Variants in RFX3 observed in about 807,000 individuals in gnomAD.
RFX3 encodes transcription factor RFX3.
In RFX3, 14 loss-of-function variants were observed where a neutral mutation model predicts 98.6. The ratio of observed to expected loss-of-function variants is 0.14; its 90% CI spans 0.09 to 0.22. RFX3 has a LOEUF of 0.22. Ranked by LOEUF, RFX3 falls within the 10% of genes least tolerant of loss-of-function variation. RFX3 has a pLI of 1.00. For synonymous variants in RFX3, 383 were observed against 328.4 expected (o/e 1.17, Z -1.80); for missense variants, 639 against 926.9 (o/e 0.69, Z 4.03).
At chr9:3,370,302 T>A (rs1452674870) in intron 2 of RFX3, among the ~76,000 whole-genome samples, 1 of 151,682 alleles carries the variant, frequency 6.6e-6, no homozygotes, top group Admixed American at 6.6e-5. Flanking sequence ...CTGAACAAAA[T>A]ACTTATTCAA....
intron 1 of RFX3, among the ~76,000 whole-genome samples, chr9:3,467,107 TGTA>T (rs1449622954): frequency 4.2e-5 from 6 of 141,924 alleles, no homozygotes; most frequent in African/African-American, 1.6e-4. Context: ...TAAGTATATA[TGTA>T]TATACATACA....
chr9:3,299,160 TA>T (rs1200020299), intron 5 of RFX3, among the ~76,000 whole-genome samples: 2 of 151,692 alleles, frequency 1.3e-5, no homozygotes, highest in African/African-American at 4.8e-5. Flanking sequence ...ACAATTTTTT[TA>T]AAAAACTCCA....
intron 4 of RFX3, among the ~76,000 whole-genome samples, chr9:3,310,158 G>A (rs1829796147): frequency 6.6e-6 from 1 of 152,150 alleles, no homozygotes; most frequent in Admixed American, 6.5e-5. Flanking sequence ...ATGCCAAGAA[G>A]GTAAACCTCA....
chr9:3,308,375 G>T (rs774491227), intron 4 of RFX3, among the ~76,000 whole-genome samples: 1 of 152,174 alleles, frequency 6.6e-6, no homozygotes, highest in Admixed American at 6.6e-5. Context: ...ATTTTCAGAA[G>T]ATGAAGAGGG....
chr9:3,333,163 A>G (rs1832787639), intron 3 of RFX3, among the ~76,000 whole-genome samples: 1 of 152,236 alleles, frequency 6.6e-6, no homozygotes, highest in South Asian at 2.1e-4. Flanking sequence ...CGTAATAGCC[A>G]GTTTCATAAA....
At chr9:3,230,192 T>A (rs1818285943) in intron 15 of RFX3, among the ~76,000 whole-genome samples, 1 of 152,184 alleles carries the variant, frequency 6.6e-6, no homozygotes, top group South Asian at 2.1e-4. Context: ...CACCTTTATT[T>A]CTTAGCATTT....
At position 3,225,172 on chromosome 9, in the gene RFX3, C is replaced by T. The variant is rs373971126; in HGVS notation, c.2120G>A (p.Cys707Tyr). The change falls in exon 17 of 17, where the codon TGC becomes TAC. Residue 707 changes from cysteine to tyrosine, a missense_variant. By Grantham distance (194) the Cys-to-Tyr change is radical. This residue lies in a region of RFX3 where 129 missense variants were observed against 124.6 expected (regional missense o/e 1.04). Transcript: ENST00000617270. ...TELSQAFPVG[C>Y]MQPVLETGVQ... ...GCCAGTCTCGAGAACAGGCTGCATG[C>T]AGCCCACTGGAAATGCCTGGCTCAG... The T allele has an allele frequency of 7.4e-6, 12 of 1,613,824 alleles. No individual in the cohort carries two copies. The highest frequency in any genetic ancestry group is 9.3e-6 in the Non-Finnish European group (11 of 1,179,952).
At chr9:3,344,923 C>G (rs1282772552) in intron 3 of RFX3, 1 of 684,822 alleles carries the variant, frequency 1.5e-6, no homozygotes, top group East Asian at 2.7e-5. Context: ...CACAGTGTGT[C>G]TAAAATATGT....
intron 2 of RFX3, among the ~76,000 whole-genome samples, chr9:3,384,618 A>T (rs1250556059): frequency 1.3e-5 from 2 of 152,182 alleles, no homozygotes; most frequent in East Asian, 3.8e-4. Context: ...TATTACTATG[A>T]TCCATTGTTT....
In RFX3 at chr9:3,222,192, C is replaced by T. The variant is rs1586626309; in HGVS notation, c.*2850G>A. 1.3e-5 allele frequency: 2 copies of T among 152,150 alleles called. No homozygotes were observed. Among genetic ancestry groups the T allele is most frequent in the East Asian group, 3.8e-4 (2 of 5,202 alleles). The allele number at this position is 152,150 out of a possible 1,614,324, so 9.4% of individuals were successfully genotyped here. A position where few individuals can be genotyped will look rare whatever the true frequency, so the allele number is the denominator to read the frequency against. Reference sequence around the variant, plus strand: ...TCTGTGCATGTTTTACTGTGAACTACAAATAACTAGAAGTAGCATAAACCA... The same window carrying T: ...TCTGTGCATGTTTTACTGTGAACTATAAATAACTAGAAGTAGCATAAACCA... On this transcript the variant is annotated 3_prime_UTR_variant, in exon 17 of 17. Coordinates refer to ENST00000617270, the MANE Select transcript of RFX3 (RefSeq NM_001282116.2).
intron 3 of RFX3, among the ~76,000 whole-genome samples, chr9:3,339,224 T>A (rs561743910): frequency 6.6e-6 from 1 of 152,140 alleles, no homozygotes; most frequent in African/African-American, 2.4e-5. Flanking sequence ...AGTGCTATAA[T>A]GGTTTTTGAA....
rs1563757955 is a variant in RFX3 at position 3,223,506 on chromosome 9, A to AT, written c.*1535dup. The AT allele has an allele frequency of 6.6e-6, 1 of 152,240 alleles. No individual in the cohort carries two copies. Among genetic ancestry groups the AT allele is most frequent in the Non-Finnish European group, 1.5e-5 (1 of 68,050 alleles). The allele number at this position is 152,240 out of a possible 1,614,324, so 9.4% of individuals were successfully genotyped here. On this transcript the variant is annotated 3_prime_UTR_variant, in exon 17 of 17. Transcript: ENST00000617270. ...ACTAAATAAGAATGGTCTAAAACATATATGATTTTATGTTAACAAGTTGGT... is the reference window on the plus strand; with the variant it reads ...ACTAAATAAGAATGGTCTAAAACATATTATGATTTTATGTTAACAAGTTGGT...
chr9:3,333,406 G>C (rs559696442), intron 3 of RFX3, among the ~76,000 whole-genome samples: 2 of 151,026 alleles, frequency 1.3e-5, no homozygotes, highest in African/African-American at 4.9e-5. Context: ...TTAGTCTGGG[G>C]TGATGATAGA....
intron 2 of RFX3, among the ~76,000 whole-genome samples, chr9:3,377,843 T>A (rs1341189644): frequency 6.6e-6 from 1 of 152,168 alleles, no homozygotes; most frequent in Non-Finnish European, 1.5e-5. Context: ...CTTAAATAGG[T>A]GGATTTTATT....
chr9:3,263,534 T>C (rs1823193885), intron 12 of RFX3, among the ~76,000 whole-genome samples: 1 of 152,204 alleles, frequency 6.6e-6, no homozygotes, highest in Non-Finnish European at 1.5e-5. Flanking sequence ...TCCTACTCTT[T>C]ACATTGTATT....
chr9:3,232,022 A>T (rs1460104003), intron 15 of RFX3, among the ~76,000 whole-genome samples: 1 of 149,646 alleles, frequency 6.7e-6, no homozygotes, highest in African/African-American at 2.5e-5. Context: ...AACAGGAGCG[A>T]AACTCTGTCT....
In RFX3 at chr9:3,505,330, AT is replaced by A. The variant is rs1178857058; in HGVS notation, c.-9+20416del. On this transcript the variant is annotated intron_variant, in intron 1 of 16. Transcript: ENST00000617270. The stretch of plus-strand genomic sequence containing the variant: ...TAAATATATATTAATGTATATTTAT[AT>A]TTTATATAAATAAAATATTTTATAT... 4.7e-4 allele frequency among the ~76,000 whole-genome samples: 43 copies of A among 91,096 alleles called. 6 individuals carry two copies. The highest frequency in any genetic ancestry group is 1.6e-3 in the East Asian group (3 of 1,868). 59.8% of individuals were successfully genotyped at this position (91,096 alleles called of 152,430 possible). A position where few individuals can be genotyped will look rare whatever the true frequency, so the allele number is the denominator to read the frequency against.
intron 2 of RFX3, among the ~76,000 whole-genome samples, chr9:3,376,378 C>T (rs1053137508): frequency 2.6e-5 from 4 of 152,174 alleles, no homozygotes; most frequent in Non-Finnish European, 4.4e-5. Context: ...TGAGAATATA[C>T]GAATGTTTGA....
At position 3,525,850 on chromosome 9, in the gene RFX3, T is replaced by TTGA; in HGVS notation, c.-115_-113dup. 1.0e-6 allele frequency: 1 copy of TTGA among 984,776 alleles called. No individual in the cohort carries two copies. Among genetic ancestry groups the TTGA allele is most frequent in the Non-Finnish European group, 1.2e-6 (1 of 829,144 alleles). 61.0% of individuals were successfully genotyped at this position (984,776 alleles called of 1,614,324 possible). A position where few individuals can be genotyped will look rare whatever the true frequency, so the allele number is the denominator to read the frequency against. ...AGGAGGAGGAGAGGAGTAGTTGTTG[T>TTGA]TGATGGGTAACAGTCGCCAGGACTA... is the stretch of plus-strand genomic sequence containing the variant. On this transcript the variant is annotated 5_prime_UTR_variant, in exon 1 of 17. Coordinates refer to ENST00000617270, the MANE Select transcript of RFX3 (RefSeq NM_001282116.2).
Sources: gnomAD v4.1 joint callset for allele counts (sites outside exome capture counted in the v4.1 genomes callset) on GRCh38, gnomAD v4.1.1 for gene constraint, gnomAD v4.1.1 regional missense constraint, MANE v1.5 for transcripts, NCBI Gene and HGNC (gene_info 2026-07-23, HGNC 2026-07-21) for gene names.